The following CORIN variants were observed in gnomAD, a reference collection of about 807,000 sequenced individuals.
CORIN encodes the protein atrial natriuretic peptide-converting enzyme.
A neutral mutation model predicts 125.3 loss-of-function variants in CORIN; 117 were observed. That is an observed-to-expected ratio of 0.93 (90% CI 0.80 to 1.09). The LOEUF (loss-of-function observed/expected upper bound fraction) is 1.09. Among genes scored for constraint, CORIN ranks in the 50% least tolerant of loss-of-function variants. The pLI is 0.00. For synonymous variants in CORIN, 450 were observed against 466.4 expected (o/e 0.96, Z 0.45); for missense variants, 1,253 against 1,306.7 (o/e 0.96, Z 0.63).
At chr4:47,622,867 T>C (rs1722378054) in intron 19 of CORIN, among the ~76,000 whole-genome samples, 1 of 152,034 alleles carries the variant, frequency 6.6e-6, no homozygotes, top group Admixed American at 6.6e-5. Flanking sequence ...TTTGTCATCA[T>C]TGTTTTGTCT....
Position 47,806,979 on chromosome 4 carries a change from G to A in CORIN, c.132C>T (p.Leu44=), listed in dbSNP as rs761871021. Residue 44 remains leucine (L), a synonymous_variant, in exon 2 of 22, where the codon CTC becomes CTT. Transcript: ENST00000273857. ...CSQKLATANL[L]RFLLLVLIPC... The stretch of plus-strand genomic sequence containing the variant: ...GAATCAGGACCAGCAATAGGAACCG[G>A]AGGAGGTTAGCAGTCGCCAGCTTCT... The A allele has an allele frequency of 1.9e-6, 3 of 1,613,858 alleles. No individual in the cohort carries two copies. Among genetic ancestry groups the A allele is most frequent in the African/African-American group, 2.7e-5 (2 of 74,918 alleles).
At chr4:47,663,949 C>T (rs1371625393) in intron 11 of CORIN, among the ~76,000 whole-genome samples, 1 of 152,158 alleles carries the variant, frequency 6.6e-6, no homozygotes. Context: ...ATTTCCTGTC[C>T]TGTCTCTATA....
Position 47,661,773 on chromosome 4 carries a change from C to T in CORIN, c.1673G>A (p.Ser558Asn). 3 of 1,613,686 alleles carry T rather than the reference C, an allele frequency of 1.9e-6. No homozygotes were observed. Among genetic ancestry groups the T allele is most frequent in the Non-Finnish European group, 2.5e-6 (3 of 1,179,740 alleles). Residue 558 changes from serine (S) to asparagine (N), a missense_variant, in exon 12 of 22, where the codon AGT becomes AAT. Coordinates refer to ENST00000273857, the MANE Select transcript of CORIN (RefSeq NM_006587.4). The stretch of plus-strand genomic sequence containing the variant: ...GTCTGAATTTTCCTCTGGAAATTGA[C>T]TGCAATCTGTGTCTTCAGGCCACTG... ...GLQWPEDTDCSQFPEENSDNQ... is the reference protein window; with the variant it reads ...GLQWPEDTDCNQFPEENSDNQ...
intron 19 of CORIN, among the ~76,000 whole-genome samples, chr4:47,609,388 C>T (rs6847127): frequency 0.091 from 13,854 of 152,020 alleles, 709 homozygotes; most frequent in East Asian, 0.17. Context: ...TACAGGCACC[C>T]GCCACCATGC....
chr4:47,686,329 C>A (rs1286530826), intron 6 of CORIN, among the ~76,000 whole-genome samples: 3 of 152,026 alleles, frequency 2.0e-5, no homozygotes, highest in Non-Finnish European at 4.4e-5. Flanking sequence ...TATAAGCATA[C>A]AGAACTTTGT....
At chr4:47,610,066 T>C (rs1721813209) in intron 19 of CORIN, among the ~76,000 whole-genome samples, 1 of 152,212 alleles carries the variant, frequency 6.6e-6, no homozygotes, top group South Asian at 2.1e-4. Flanking sequence ...AGTGAACATA[T>C]GCATGCATGT....
chr4:47,620,062 T>C (rs1195743609), intron 19 of CORIN, among the ~76,000 whole-genome samples: 1 of 152,216 alleles, frequency 6.6e-6, no homozygotes, highest in East Asian at 1.9e-4. Context: ...ATCAAATAAC[T>C]GGATATACAC....
intron 6 of CORIN, among the ~76,000 whole-genome samples, chr4:47,684,289 A>G (rs1202638623): frequency 1.3e-5 from 2 of 152,366 alleles, no homozygotes; most frequent in East Asian, 1.9e-4. Flanking sequence ...TTCCTTTCAC[A>G]TAAACATTAC....
intron 5 of CORIN, among the ~76,000 whole-genome samples, chr4:47,732,281 G>C (rs1477054206): frequency 6.6e-6 from 1 of 152,164 alleles, no homozygotes; most frequent in African/African-American, 2.4e-5. Flanking sequence ...GGCAAAGAGT[G>C]CTACGAATGA....
intron 12 of CORIN, among the ~76,000 whole-genome samples, chr4:47,657,567 C>CTGAT: frequency 6.6e-6 from 1 of 151,410 alleles, no homozygotes; most frequent in Non-Finnish European, 1.5e-5. Flanking sequence ...AAAGAAATAC[C>CTGAT]TGATAGTGCA....
At position 47,594,401 on chromosome 4, in the gene CORIN, C is replaced by T. The variant is rs778555141; in HGVS notation, c.*1320G>A. Reference sequence around the variant, plus strand: ...AGTTGTTTAAAAGGCAAAATGGATGCCTGACTAATTAAATTAAGTATATAT... The same window carrying T: ...AGTTGTTTAAAAGGCAAAATGGATGTCTGACTAATTAAATTAAGTATATAT... On this transcript the variant is annotated 3_prime_UTR_variant, in exon 22 of 22. Transcript: ENST00000273857. 1 of 152,558 alleles carries T rather than the reference C, an allele frequency of 6.6e-6. No homozygotes were observed. Among genetic ancestry groups the T allele is most frequent in the South Asian group, 2.1e-4 (1 of 4,828 alleles). 9.5% of individuals were successfully genotyped at this position (152,558 alleles called of 1,614,324 possible). A position where few individuals can be genotyped will look rare whatever the true frequency, so the allele number is the denominator to read the frequency against.
chr4:47,836,411 G>A (rs1313495651), intron 1 of CORIN, among the ~76,000 whole-genome samples: 1 of 152,182 alleles, frequency 6.6e-6, no homozygotes, highest in African/African-American at 2.4e-5. Context: ...CTGCTTAAAT[G>A]TGTCCTTGGA....
chr4:47,768,445 A>G (rs1729866581), intron 3 of CORIN, among the ~76,000 whole-genome samples: 1 of 152,218 alleles, frequency 6.6e-6, no homozygotes, highest in Non-Finnish European at 1.5e-5. Flanking sequence ...AAAAAACTGA[A>G]GAAAAGTGAA....
intron 4 of CORIN, among the ~76,000 whole-genome samples, chr4:47,751,950 C>T (rs1178101878): frequency 6.6e-6 from 1 of 151,642 alleles, no homozygotes; most frequent in Admixed American, 6.6e-5. Flanking sequence ...TCCTCCCTTA[C>T]GTCAGGCCCC....
intron 1 of CORIN, among the ~76,000 whole-genome samples, chr4:47,815,462 G>A (rs1349097141): frequency 1.3e-5 from 2 of 152,076 alleles, no homozygotes; most frequent in Non-Finnish European, 2.9e-5. Context: ...AGCACTGTAG[G>A]AGGGTCATAT....
At chr4:47,706,608 A>T (rs1373659593) in intron 5 of CORIN, 3 of 1,604,392 alleles carry the variant, frequency 1.9e-6, no homozygotes, top group Admixed American at 3.3e-5. Context: ...CTAAGGGTGC[A>T]ACTTACGGCA....
chr4:47,708,691 C>T (rs1438506411), intron 5 of CORIN, among the ~76,000 whole-genome samples: 1 of 152,200 alleles, frequency 6.6e-6, no homozygotes, highest in East Asian at 1.9e-4. Context: ...CTCCCACCTG[C>T]TGACTGCCCT....
chr4:47,720,014 G>A (rs1453920768), intron 5 of CORIN, among the ~76,000 whole-genome samples: 1 of 152,138 alleles, frequency 6.6e-6, no homozygotes, highest in Admixed American at 6.5e-5. Flanking sequence ...GGACATATGT[G>A]CATTCTTGCT....
chr4:47,678,189 T>C (rs1196343630), intron 8 of CORIN, 135 bp from the exon 9 acceptor site: 3 of 661,500 alleles, frequency 4.5e-6, no homozygotes, highest in Admixed American at 2.5e-5. Context: ...AACATATCAT[T>C]GATTTTATTT....
Sources: gnomAD v4.1 joint callset for allele counts (sites outside exome capture counted in the v4.1 genomes callset) on GRCh38, gnomAD v4.1.1 for gene constraint, MANE v1.5 for transcripts, NCBI Gene and HGNC (gene_info 2026-07-23, HGNC 2026-07-21) for gene names.